The following METRNL variants were observed in gnomAD, a reference collection of about 807,000 sequenced individuals.
The protein encoded by METRNL is meteorin-like protein.
METRNL carries 9 observed loss-of-function variants against 17.4 expected under a neutral mutation model. That is an observed-to-expected ratio of 0.52 (90% CI 0.31 to 0.90). The LOEUF is 0.90. METRNL is among the 40% of genes least tolerant of loss of function. The pLI is 0.05. For synonymous variants in METRNL, 215 were observed against 199.3 expected, an observed-to-expected ratio of 1.08 and a Z score of -0.66; for missense variants, 408 against 430.7, an observed-to-expected ratio of 0.95 and a Z score of 0.47.
At chr17:83,091,421 G>T (rs539458125) in intron 2 of METRNL, among the ~76,000 whole-genome samples, 1 of 152,180 alleles carries the variant, frequency 6.6e-6, no homozygotes, top group Admixed American at 6.5e-5. Context: ...TCCACCCTGC[G>T]GGGTCCACAA....
intron 1 of METRNL, among the ~76,000 whole-genome samples, chr17:83,081,192 T>C (rs1600482597): frequency 6.8e-6 from 1 of 148,120 alleles, no homozygotes; most frequent in Non-Finnish European, 1.5e-5. Flanking sequence ...CTGGGGGGGG[T>C]CGGCCGGGAA....
intron 2 of METRNL, among the ~76,000 whole-genome samples, chr17:83,090,007 C>T (rs1243822703): frequency 6.6e-6 from 1 of 152,048 alleles, no homozygotes; most frequent in Non-Finnish European, 1.5e-5. Context: ...CGGCCGTCCG[C>T]TGAGGTCGTG....
chr17:83,080,045 G>T, intron 1 of METRNL, 60 bp downstream of exon 1: 1 of 981,968 alleles, frequency 1.0e-6, no homozygotes, highest in Non-Finnish European at 1.2e-6. Flanking sequence ...CTCCCGTCCC[G>T]GGCCGGCCGA....
intron 2 of METRNL, among the ~76,000 whole-genome samples, 159 bp downstream of exon 2, chr17:83,085,482 C>T (rs550648993): frequency 2.6e-5 from 4 of 152,110 alleles, no homozygotes; most frequent in Non-Finnish European, 5.9e-5. Context: ...CCTGAAGAGC[C>T]CCCCAGGTGG....
At chr17:83,089,746 C>T (rs1236751034) in intron 2 of METRNL, among the ~76,000 whole-genome samples, 2 of 152,028 alleles carry the variant, frequency 1.3e-5, no homozygotes, top group Non-Finnish European at 2.9e-5. Context: ...CCGATTGTCT[C>T]CCGGCGTCCA....
chr17:83,089,229 C>A (rs761091995), intron 2 of METRNL, among the ~76,000 whole-genome samples: 13 of 152,008 alleles, frequency 8.6e-5, no homozygotes, highest in African/African-American at 1.2e-4. Flanking sequence ...TCCACCCCTA[C>A]CCACTGCTCC....
chr17:83,093,298 G>A, intron 3 of METRNL, 72 bp downstream of exon 3: 3 of 1,324,788 alleles, frequency 2.3e-6, no homozygotes, highest in South Asian at 2.4e-5. Context: ...TTGGGCCCAG[G>A]AGTCCCTCTT....
intron 2 of METRNL, among the ~76,000 whole-genome samples, 160 bp downstream of exon 2, chr17:83,085,483 C>A (rs1005713556): frequency 6.6e-6 from 1 of 152,174 alleles, no homozygotes; most frequent in African/African-American, 2.4e-5. Context: ...CTGAAGAGCC[C>A]CCCAGGTGGC....
At chr17:83,084,445 A>C in intron 1 of METRNL, 1 of 155,452 alleles carries the variant, frequency 6.4e-6, no homozygotes, top group Non-Finnish European at 1.4e-5. Flanking sequence ...CCTCGTGGTC[A>C]TCTGGAACCA....
intron 1 of METRNL, among the ~76,000 whole-genome samples, chr17:83,081,318 C>T (rs1174276837): frequency 6.6e-6 from 1 of 152,152 alleles, no homozygotes; most frequent in Non-Finnish European, 1.5e-5. Context: ...ATCCCCGAAC[C>T]GAGGCCCGGG....
rs778381006 is a variant in METRNL, at chr17:83,094,359, C to T, written c.720C>T (p.Phe240=). 35 of 1,610,432 alleles carry T rather than the reference C, an allele frequency of 2.2e-5. No homozygotes were observed. Among genetic ancestry groups the T allele is most frequent in the South Asian group, 3.3e-5 (3 of 90,792 alleles). The change falls in exon 4 of 4, where the codon TTC becomes TTT. Residue 240 remains phenylalanine, a synonymous_variant. Coordinates refer to ENST00000320095, the MANE Select transcript of METRNL (RefSeq NM_001004431.3). ...TCTATCGGCAGAAAAGCAGGGTCTT[C>T]GAGCCGGTGCCCGAGGGTGACGGCC... ...SRLYRQKSRV[F]EPVPEGDGHW... is the part of the protein sequence containing the mutation.
At chr17:83,083,508 C>T (rs1033212998) in intron 1 of METRNL, among the ~76,000 whole-genome samples, 12 of 152,194 alleles carry the variant, frequency 7.9e-5, no homozygotes, top group Non-Finnish European at 1.6e-4. Flanking sequence ...GATCATCGTG[C>T]CCTTGCCCAC....
At chr17:83,080,261 C>T (rs2037967307) in intron 1 of METRNL, 1 of 151,860 alleles carries the variant, frequency 6.6e-6, no homozygotes, top group Admixed American at 6.6e-5. Flanking sequence ...GTCCGAGCCT[C>T]GGGGGCCGCC....
intron 1 of METRNL, among the ~76,000 whole-genome samples, chr17:83,083,614 C>T (rs139039360): frequency 9.3e-5 from 14 of 151,268 alleles, no homozygotes; most frequent in African/African-American, 3.2e-4. Context: ...CCTGGCCACT[C>T]GTGACCTGGG....
At chr17:83,081,122 G>A (rs904322060) in intron 1 of METRNL, among the ~76,000 whole-genome samples, 1 of 151,832 alleles carries the variant, frequency 6.6e-6, no homozygotes, top group African/African-American at 2.4e-5. Context: ...GCGGTGCCCG[G>A]CTGTCCCGGG....
chr17:83,083,773 G>T (rs2038016796), intron 1 of METRNL, among the ~76,000 whole-genome samples: 1 of 152,234 alleles, frequency 6.6e-6, no homozygotes, highest in African/African-American at 2.4e-5. Flanking sequence ...CATTTTCTCT[G>T]CTGCAGAAAG....
At position 83,093,155 on chromosome 17, in the gene METRNL, TTTC is replaced by T. The variant is rs1357343385; in HGVS notation, c.557-7_557-5del. Reference sequence around the variant, plus strand: ...GTCCAGGCTGCTTCCTGACTCTGCCTTTCTTCTCCAGCGCCGTGCCGTCCCTGC... The same window carrying T: ...GTCCAGGCTGCTTCCTGACTCTGCCTTTCTCCAGCGCCGTGCCGTCCCTGC... On this transcript the variant is annotated splice_polypyrimidine_tract_variant and intron_variant, in intron 2 of 3. Transcript: ENST00000320095. 7.5e-6 allele frequency: 12 copies of T among 1,606,492 alleles called. No homozygotes were observed. The highest frequency in any genetic ancestry group is 1.0e-5 in the Non-Finnish European group (12 of 1,179,546).
At chr17:83,093,293 C>T in intron 3 of METRNL, 67 bp downstream of exon 3, 2 of 1,340,812 alleles carry the variant, frequency 1.5e-6, no homozygotes, top group South Asian at 2.4e-5. Flanking sequence ...GCTGTTTGGG[C>T]CCAGGAGTCC....
intron 1 of METRNL, 195 bp from the exon 2 acceptor site, chr17:83,084,743 C>T: frequency 1.7e-6 from 1 of 594,142 alleles, no homozygotes; most frequent in East Asian, 3.0e-5. Flanking sequence ...TGGGTGGGGC[C>T]CTTGTGCCGA....
Sources: gnomAD v4.1 joint callset for allele counts (sites outside exome capture counted in the v4.1 genomes callset) on GRCh38, gnomAD v4.1.1 for gene constraint, MANE v1.5 for transcripts, NCBI Gene and HGNC (gene_info 2026-07-23, HGNC 2026-07-21) for gene names.